The following NAV2 variants were observed in gnomAD, a reference collection of about 807,000 sequenced individuals.
NAV2 encodes the protein neuron navigator 2.
NAV2 carries 54 observed loss-of-function variants against 223.2 expected under a neutral mutation model. That is an observed-to-expected ratio of 0.24 (90% CI 0.19 to 0.30). The LOEUF (loss-of-function observed/expected upper bound fraction) is 0.30, where lower values mean the gene tolerates loss of function less well. NAV2 is among the 10% of genes least tolerant of loss of function. The pLI is 1.00. For synonymous variants in NAV2, 1,279 were observed against 1,239.3 expected (o/e 1.03, Z -0.67); for missense variants, 2,806 against 3,147.5 (o/e 0.89, Z 2.60).
chr11:20,044,296 C>T (rs1276990218), intron 13 of NAV2, 24 bp downstream of exon 13: 3 of 1,580,014 alleles, frequency 1.9e-6, no homozygotes, highest in Non-Finnish European at 2.6e-6. Flanking sequence ...GCTGTCTTGG[C>T]CCTACAGTTG....
At chr11:19,625,541 T>C (rs1277481047) in intron 1 of NAV2, among the ~76,000 whole-genome samples, 1 of 152,212 alleles carries the variant, frequency 6.6e-6, no homozygotes, top group Non-Finnish European at 1.5e-5. Context: ...TTCAATATAC[T>C]AATTTCCTTT....
In NAV2 at chr11:19,823,397, G is replaced by A. The variant is rs188508966; in HGVS notation, c.268-9087G>A. The stretch of plus-strand genomic sequence containing the variant: ...TAATTTTTGTATTTTTAGTAGAGAA[G>A]GGGTTTCACCATGTTGGCCAGGCTG... On this transcript the variant is annotated intron_variant, in intron 1 of 37. Coordinates refer to ENST00000349880, the MANE Select transcript of NAV2 (RefSeq NM_145117.5). 3.2e-3 allele frequency among the ~76,000 whole-genome samples: 491 copies of A among 152,234 alleles called. 1 individual carries two copies. Among genetic ancestry groups the A allele is most frequent in the Non-Finnish European group, 5.5e-3 (376 of 68,022 alleles).
chr11:19,426,050 T>C (rs1412316009), intron 1 of NAV2, among the ~76,000 whole-genome samples: 1 of 152,202 alleles, frequency 6.6e-6, no homozygotes, highest in East Asian at 1.9e-4. Flanking sequence ...GTTGCGCTGT[T>C]TCAGAGAAAT....
At chr11:19,874,236 C>A (rs1474145858) in intron 4 of NAV2, among the ~76,000 whole-genome samples, 1 of 152,184 alleles carries the variant, frequency 6.6e-6, no homozygotes, top group Non-Finnish European at 1.5e-5. Context: ...AGCGATTAGT[C>A]AGAACCCAAA....
At chr11:19,345,489 C>A in the NAV2 span, among the ~76,000 whole-genome samples, 1 of 152,196 alleles carries the variant, frequency 6.6e-6, no homozygotes, top group African/African-American at 2.4e-5. The surrounding 1 kb of genome is among the most constrained non-coding windows in gnomAD (Gnocchi z 5.2). Flanking sequence ...GGGAGAGGGC[C>A]GGCCCCTCAT....
intron 1 of NAV2, among the ~76,000 whole-genome samples, chr11:19,599,512 G>C: frequency 6.6e-6 from 1 of 152,240 alleles, no homozygotes; most frequent in Admixed American, 6.5e-5. Context: ...AAAGGGTTTA[G>C]TATTAAATAA....
rs368444008 is a variant in NAV2 at position 20,107,792 on chromosome 11, C to T, written c.6960+10C>T. The T allele has an allele frequency of 3.8e-6, 6 of 1,578,492 alleles. No homozygotes were observed. Among genetic ancestry groups the T allele is most frequent in the South Asian group, 1.1e-5 (1 of 90,276 alleles). On this transcript the variant is annotated intron_variant, in intron 36 of 37. Transcript: ENST00000349880. ...CAGAGAAGGACTCCAGGTGAGAAGA[C>T]ACCCCTGCTGGCTTCCTTGAAGCTG...
At chr11:20,103,496 G>A (rs977063067) in intron 33 of NAV2, 87 bp downstream of exon 33, 122 of 1,528,206 alleles carry the variant, frequency 8.0e-5, no homozygotes, top group African/African-American at 2.0e-4. Context: ...GCCCGGGGCC[G>A]TTGTGGGAGT....
intron 1 of NAV2, among the ~76,000 whole-genome samples, chr11:19,385,965 C>T (rs961518848): frequency 2.6e-5 from 4 of 152,080 alleles, no homozygotes; most frequent in Admixed American, 6.5e-5. Flanking sequence ...GGGGTTTCAC[C>T]GTCTTAGCCA....
At chr11:20,065,701 A>C (rs1454577150) in intron 20 of NAV2, among the ~76,000 whole-genome samples, 2 of 152,244 alleles carry the variant, frequency 1.3e-5, no homozygotes, top group Non-Finnish European at 2.9e-5. Flanking sequence ...GGGCACAGTG[A>C]CAGACAGTGG....
chr11:19,787,816 A>G (rs2057246277), intron 1 of NAV2, among the ~76,000 whole-genome samples: 1 of 152,168 alleles, frequency 6.6e-6, no homozygotes, highest in African/African-American at 2.4e-5. Flanking sequence ...AGGGAGGGTC[A>G]TAAATAAGGT....
intron 1 of NAV2, among the ~76,000 whole-genome samples, chr11:19,771,001 T>A (rs1240824589): frequency 6.6e-6 from 1 of 152,178 alleles, no homozygotes; most frequent in Non-Finnish European, 1.5e-5. Flanking sequence ...ACATTTTTGA[T>A]GGTACAGTGG....
chr11:19,657,140 A>G (rs1045642679), intron 1 of NAV2, among the ~76,000 whole-genome samples: 2 of 152,124 alleles, frequency 1.3e-5, no homozygotes, highest in Non-Finnish European at 2.9e-5. Flanking sequence ...GTGTATTAAA[A>G]TCCATGGGAA....
At chr11:20,003,152 G>A (rs536785447) in intron 11 of NAV2, among the ~76,000 whole-genome samples, 2 of 152,318 alleles carry the variant, frequency 1.3e-5, no homozygotes, top group Admixed American at 6.5e-5. Flanking sequence ...GGGGAAAGGT[G>A]GGATTCTGAG....
chr11:19,732,028 C>A (rs770281464), intron 1 of NAV2, among the ~76,000 whole-genome samples: 2 of 151,986 alleles, frequency 1.3e-5, no homozygotes, highest in African/African-American at 2.4e-5. Context: ...GTGAGTAGAT[C>A]ACCTGAGGTC....
chr11:19,939,044 G>T (rs1017882889), intron 7 of NAV2, among the ~76,000 whole-genome samples: 1 of 152,190 alleles, frequency 6.6e-6, no homozygotes, highest in Non-Finnish European at 1.5e-5. Flanking sequence ...CAATTTGCTT[G>T]ACAAATAAGG....
chr11:20,082,560 T>G, intron 25 of NAV2: 1 of 1,613,636 alleles, frequency 6.2e-7, no homozygotes, highest in Non-Finnish European at 8.5e-7. Context: ...TTCCTCCCCC[T>G]TCCCCATTTT....
intron 1 of NAV2, among the ~76,000 whole-genome samples, chr11:19,570,506 C>G (rs948940354): frequency 1.3e-5 from 2 of 152,136 alleles, no homozygotes; most frequent in Non-Finnish European, 2.9e-5. Flanking sequence ...CAGCTTCAGA[C>G]TTGGAGAAAA....
intron 26 of NAV2, 119 bp downstream of exon 26, chr11:20,083,298 A>G (rs2060206840): frequency 2.6e-6 from 2 of 772,810 alleles, no homozygotes; most frequent in Admixed American, 2.8e-5. Flanking sequence ...GCTTTGCTTT[A>G]ATAGGACTGT....
Sources: gnomAD v4.1 joint callset for allele counts (sites outside exome capture counted in the v4.1 genomes callset) on GRCh38, gnomAD v4.1.1 for gene constraint, Gnocchi (gnomAD v3.1) non-coding constraint, MANE v1.5 for transcripts, NCBI Gene and HGNC (gene_info 2026-07-23, HGNC 2026-07-21) for gene names.